SENP7: variants seen among roughly 807,000 people sequenced by gnomAD.
SENP7 encodes SUMO specific peptidase 7.
A neutral mutation model predicts 141.2 loss-of-function variants in SENP7; 64 were observed. That is an observed-to-expected ratio of 0.45 (90% CI 0.37 to 0.56). SENP7 has a LOEUF of 0.56. Ranked by LOEUF, SENP7 falls within the 20% of genes least tolerant of loss-of-function variation. The pLI, the probability that SENP7 is intolerant of heterozygous loss-of-function variation, is 0.00. For synonymous variants in SENP7, 382 were observed against 426.4 expected (o/e 0.90, Z 1.28); for missense variants, 1,025 against 1,212.2 (o/e 0.85, Z 2.29).
At chr3:101,354,636 A>G (rs1381009184) in intron 11 of SENP7, among the ~76,000 whole-genome samples, 5 of 151,978 alleles carry the variant, frequency 3.3e-5, no homozygotes, top group East Asian at 1.9e-4. Flanking sequence ...TCTTTATCCA[A>G]TCTGTCATTG....
At chr3:101,446,111 G>A (rs2062882439) in intron 4 of SENP7, among the ~76,000 whole-genome samples, 1 of 152,118 alleles carries the variant, frequency 6.6e-6, no homozygotes, top group Admixed American at 6.5e-5. Flanking sequence ...ACGAAATCTG[G>A]TTATTTATAA....
intron 5 of SENP7, among the ~76,000 whole-genome samples, chr3:101,416,366 C>T (rs10804836): frequency 0.4 from 60,374 of 151,948 alleles, 12,511 homozygotes; most frequent in Admixed American, 0.54. Context: ...GGAAAAAGGA[C>T]AGATGTAGGA....
intron 4 of SENP7, 35 bp from the exon 5 acceptor site, chr3:101,417,825 C>G: frequency 6.8e-7 from 1 of 1,473,836 alleles, no homozygotes; most frequent in Non-Finnish European, 9.5e-7. Flanking sequence ...ATATATGGTA[C>G]TACACATTGT....
chr3:101,416,546 G>C (rs1486152235), intron 5 of SENP7, among the ~76,000 whole-genome samples: 1 of 152,172 alleles, frequency 6.6e-6, no homozygotes, highest in African/African-American at 2.4e-5. Context: ...CATAGAATGA[G>C]AGCAAGCTGC....
At chr3:101,375,629 G>A (rs2060306673) in intron 6 of SENP7, among the ~76,000 whole-genome samples, 2 of 150,328 alleles carry the variant, frequency 1.3e-5, no homozygotes, top group African/African-American at 2.5e-5. Flanking sequence ...TATACCCAAA[G>A]GAATTGAAAG....
chr3:101,399,714 T>C (rs2061077155), intron 5 of SENP7, among the ~76,000 whole-genome samples: 1 of 152,178 alleles, frequency 6.6e-6, no homozygotes, highest in Non-Finnish European at 1.5e-5. Flanking sequence ...GCAGCCTCGA[T>C]CTCCTGGCCC....
chr3:101,374,763 C>T (rs940930092), intron 6 of SENP7, among the ~76,000 whole-genome samples: 1 of 135,058 alleles, frequency 7.4e-6, no homozygotes, highest in African/African-American at 2.8e-5. Context: ...TAGAATGAGG[C>T]TCTGTCTCAA....
intron 3 of SENP7, among the ~76,000 whole-genome samples, chr3:101,475,461 A>C (rs10936642): frequency 0.68 from 103,588 of 152,072 alleles, 35,793 homozygotes; most frequent in African/African-American, 0.78. Context: ...GAACAGAAAA[A>C]CAAACACCAC....
intron 6 of SENP7, among the ~76,000 whole-genome samples, chr3:101,375,990 T>C (rs1266511090): frequency 6.6e-6 from 1 of 152,186 alleles, no homozygotes; most frequent in East Asian, 1.9e-4. Context: ...AATTATTATT[T>C]AATGGTAACA....
At chr3:101,424,489 C>T (rs575152383) in intron 4 of SENP7, among the ~76,000 whole-genome samples, 1 of 152,096 alleles carries the variant, frequency 6.6e-6, no homozygotes, top group Non-Finnish European at 1.5e-5. Context: ...GAGCACAAAG[C>T]CAGCCAGCCT....
At chr3:101,370,507 G>T (rs971093529) in intron 7 of SENP7, among the ~76,000 whole-genome samples, 1 of 151,952 alleles carries the variant, frequency 6.6e-6, no homozygotes, top group African/African-American at 2.4e-5. Flanking sequence ...ACATTCTCCT[G>T]TATAGTTTAA....
chr3:101,387,687 G>T (rs1477384232), intron 6 of SENP7, among the ~76,000 whole-genome samples: 1 of 152,150 alleles, frequency 6.6e-6, no homozygotes, highest in Non-Finnish European at 1.5e-5. Context: ...GGGAGCATGA[G>T]GACAGGTACT....
chr3:101,487,497 C>T (rs1268612707), intron 3 of SENP7, among the ~76,000 whole-genome samples: 1 of 152,052 alleles, frequency 6.6e-6, no homozygotes, highest in Non-Finnish European at 1.5e-5. Flanking sequence ...GTTTTTGTTG[C>T]AATTGCTTTT....
At chr3:101,506,850 C>G (rs923960320) in intron 1 of SENP7, among the ~76,000 whole-genome samples, 2 of 152,108 alleles carry the variant, frequency 1.3e-5, no homozygotes, top group Non-Finnish European at 2.9e-5. Flanking sequence ...GCGAAGAGTT[C>G]AAGAACAGCC....
intron 22 of SENP7, among the ~76,000 whole-genome samples, chr3:101,328,203 T>C (rs1370202103): frequency 6.6e-6 from 1 of 152,162 alleles, no homozygotes; most frequent in Non-Finnish European, 1.5e-5. Flanking sequence ...AGTGGTACTT[T>C]TGATAATCAA....
At chr3:101,462,480 G>A (rs1193604908) in intron 3 of SENP7, among the ~76,000 whole-genome samples, 2 of 151,696 alleles carry the variant, frequency 1.3e-5, no homozygotes, top group African/African-American at 4.8e-5. Context: ...GGTGGAGGCT[G>A]GGGTGAGCCG....
chr3:101,341,914 T>C (rs748944034), intron 14 of SENP7, 135 bp from the exon 15 acceptor site: 36 of 881,464 alleles, frequency 4.1e-5, no homozygotes, highest in African/African-American at 5.1e-5. Context: ...AGATTTTCCA[T>C]AGATATAACC....
intron 6 of SENP7, among the ~76,000 whole-genome samples, chr3:101,384,497 A>C (rs1021868200): frequency 1.3e-5 from 2 of 152,214 alleles, no homozygotes; most frequent in Non-Finnish European, 2.9e-5. Context: ...CTCAATCCCC[A>C]GTGCCAGCAG....
intron 22 of SENP7, among the ~76,000 whole-genome samples, chr3:101,328,227 T>C (rs1252570111): frequency 1.3e-5 from 2 of 152,178 alleles, no homozygotes; most frequent in African/African-American, 4.8e-5. Context: ...AATGCTTCTT[T>C]GTAAAACTAT....
Sources: allele counts gnomAD v4.1 joint callset (sites outside exome capture counted in the v4.1 genomes callset), GRCh38; gene constraint gnomAD v4.1.1; transcripts MANE v1.5; gene names NCBI Gene and HGNC (gene_info 2026-07-23, HGNC 2026-07-21).